Variants in RASSF8 observed in about 807,000 individuals in gnomAD.
RASSF8 encodes ras association domain-containing protein 8.
RASSF8 carries 22 observed loss-of-function variants against 48.5 expected under a neutral mutation model. The observed-to-expected ratio is 0.45, with a 90% CI of 0.32 to 0.65. The LOEUF (loss-of-function observed/expected upper bound fraction) is 0.65, where lower values mean the gene tolerates loss of function less well. Among genes scored for constraint, RASSF8 ranks in the 30% least tolerant of loss-of-function variants. The probability of loss-of-function intolerance (pLI) is 0.03; values close to 1 mark genes in which losing one functional copy is unlikely to be tolerated. For missense variants in RASSF8, 418 were observed against 489.2 expected (o/e 0.85, Z 1.37); for synonymous variants, 127 against 171.5 (o/e 0.74, Z 2.03).
downstream of RASSF8, among the ~76,000 whole-genome samples, chr12:26,073,617 T>C (rs1379063896): frequency 6.6e-6 from 1 of 151,908 alleles, no homozygotes; most frequent in African/African-American, 2.4e-5. Context: ...CGGGCACCTG[T>C]AGTCCCAGCT....
chr12:26,014,622 AT>A (rs142954215), intron 2 of RASSF8, among the ~76,000 whole-genome samples: 3,925 of 152,170 alleles, frequency 0.026, 156 homozygotes, highest in African/African-American at 0.09. Context: ...TTTGAAAATT[AT>A]TTTTCAAATA....
chr12:26,059,689 T>C (rs1345623336), intron 3 of RASSF8, among the ~76,000 whole-genome samples: 2 of 152,266 alleles, frequency 1.3e-5, no homozygotes, highest in African/African-American at 4.8e-5. Context: ...TTTTTTATTT[T>C]AATTAGCTTC....
At chr12:26,063,738 T>G (rs1388623807) in intron 3 of RASSF8, among the ~76,000 whole-genome samples, 3 of 152,104 alleles carry the variant, frequency 2.0e-5, no homozygotes, top group Non-Finnish European at 4.4e-5. Flanking sequence ...TTTGAGTTTT[T>G]TTTTTTTTTT....
chr12:26,034,193 A>G (rs978073340), intron 2 of RASSF8, among the ~76,000 whole-genome samples: 1 of 152,124 alleles, frequency 6.6e-6, no homozygotes, highest in African/African-American at 2.4e-5. Context: ...ACACTGTTCA[A>G]CTAAGATAAT....
Position 26,008,224 on chromosome 12 carries a change from G to C in RASSF8, c.-109+13094G>C, listed in dbSNP as rs12306708. On this transcript the variant is annotated intron_variant, in intron 2 of 5. Coordinates refer to ENST00000689635, the MANE Select transcript of RASSF8 (RefSeq NM_001394098.1). ...GGAGGCGGAGCTTGCAGTGAGCCGA[G>C]AAAGCCACTGAATTCCAGCCTGGGC... Among the ~76,000 whole-genome samples the C allele has an allele frequency of 6.2e-3, 944 of 151,938 alleles. 11 individuals carry two copies. Among genetic ancestry groups the C allele is most frequent in the African/African-American group, 0.019 (782 of 41,388 alleles).
intron 2 of RASSF8, among the ~76,000 whole-genome samples, chr12:26,002,332 C>T (rs1432541644): frequency 6.6e-6 from 1 of 152,036 alleles, no homozygotes; most frequent in Admixed American, 6.5e-5. Context: ...AATCGAGAGG[C>T]TGAGGCAGGA....
At chr12:25,990,860 A>AT (rs1314355829) in intron 1 of RASSF8, among the ~76,000 whole-genome samples, 5 of 152,216 alleles carry the variant, frequency 3.3e-5, no homozygotes, top group African/African-American at 1.2e-4. Flanking sequence ...AATATTTACA[A>AT]TTTCAAACGG....
intron 1 of RASSF8, among the ~76,000 whole-genome samples, chr12:25,983,122 T>C (rs1359171320): frequency 6.6e-6 from 1 of 152,086 alleles, no homozygotes; most frequent in Non-Finnish European, 1.5e-5. Context: ...AAATAGTAGA[T>C]AACAGAATTA....
At position 26,070,294 on chromosome 12, in the gene RASSF8, CTGACTT is replaced by C. The variant is rs1236433961; in HGVS notation, c.*1479_*1484del. 1.0e-6 allele frequency: 1 copy of C among 985,242 alleles called. No individual in the cohort carries two copies. The highest frequency in any genetic ancestry group is 1.2e-6 in the Non-Finnish European group (1 of 829,900). 61.0% of individuals were successfully genotyped at this position (985,242 alleles called of 1,614,324 possible). ...ACTTTGGATGTTTTAACACATTTGA[CTGACTT>C]TGGTTTAGTGAATGCTGACAATGCT... On this transcript the variant is annotated 3_prime_UTR_variant, in exon 6 of 6. Transcript: ENST00000689635.
chr12:26,013,540 G>C (rs1167677384), intron 2 of RASSF8, among the ~76,000 whole-genome samples: 16 of 152,098 alleles, frequency 1.1e-4, no homozygotes, highest in Admixed American at 1.0e-3. Context: ...ATAACACCTG[G>C]AGTAGTAGCC....
chr12:26,058,981 T>C (rs536338771), intron 3 of RASSF8, among the ~76,000 whole-genome samples: 42 of 152,336 alleles, frequency 2.8e-4, no homozygotes, highest in Admixed American at 2.2e-3. Context: ...CCCTGAACTT[T>C]CTGAAACATT....
At chr12:26,073,748 T>C (rs370162416), downstream of RASSF8, among the ~76,000 whole-genome samples, 581 of 134,758 alleles carry the variant, frequency 4.3e-3, 8 homozygotes, top group African/African-American at 0.016. Flanking sequence ...TCTCTCTCTA[T>C]ACACACACAC....
chr12:26,016,582 T>A (rs1942655427), intron 2 of RASSF8, among the ~76,000 whole-genome samples: 1 of 152,104 alleles, frequency 6.6e-6, no homozygotes, highest in African/African-American at 2.4e-5. Flanking sequence ...AATTGCAGAT[T>A]TTATATTGAG....
At chr12:26,074,511 T>TG (rs925124838), downstream of RASSF8, among the ~76,000 whole-genome samples, 4 of 126,254 alleles carry the variant, frequency 3.2e-5, no homozygotes, top group Non-Finnish European at 6.2e-5. Context: ...CCCAGCCAAA[T>TG]TTTTTTTTTT....
intron 1 of RASSF8, among the ~76,000 whole-genome samples, chr12:25,985,657 A>G (rs1941855754): frequency 6.6e-6 from 1 of 152,240 alleles, no homozygotes; most frequent in Non-Finnish European, 1.5e-5. Context: ...TCCACTTCAT[A>G]GGGAAGGAAG....
At chr12:25,977,883 C>CT (rs1323077471) in intron 1 of RASSF8, among the ~76,000 whole-genome samples, 3 of 152,150 alleles carry the variant, frequency 2.0e-5, no homozygotes, top group Non-Finnish European at 4.4e-5. Flanking sequence ...CTGAGAGACA[C>CT]TTGGAAGGTC....
chr12:26,020,522 A>G (rs1388103971), intron 2 of RASSF8: 2 of 152,226 alleles, frequency 1.3e-5, no homozygotes, highest in Non-Finnish European at 2.9e-5. Context: ...AAGAGATTGA[A>G]ACTTTTTTTT....
In RASSF8 at chr12:26,068,820, A is replaced by AT. The variant is rs1943940296; in HGVS notation, c.*4dup. The AT allele has an allele frequency of 1.3e-6, 2 of 1,536,790 alleles. No homozygotes were observed. The highest frequency in any genetic ancestry group is 1.4e-5 in the African/African-American group (1 of 73,158). On this transcript the variant is annotated 3_prime_UTR_variant, in exon 6 of 6. Transcript: ENST00000689635. ...AATCCTGAAGGCATATATGTATGAC[A>AT]TTATCTGTCTTTAGGGAGGAGACCC...
chr12:26,050,243 T>C (rs1182599784), intron 2 of RASSF8, among the ~76,000 whole-genome samples: 1 of 152,260 alleles, frequency 6.6e-6, no homozygotes. Flanking sequence ...TCTAGGTATG[T>C]GGATTAGTAA....
Sources: allele counts gnomAD v4.1 joint callset (sites outside exome capture counted in the v4.1 genomes callset), GRCh38; gene constraint gnomAD v4.1.1; transcripts MANE v1.5; gene names NCBI Gene and HGNC (gene_info 2026-07-23, HGNC 2026-07-21).